CDH8: variants seen among roughly 807,000 people sequenced by gnomAD.
CDH8 encodes cadherin 8, also known as cadherin-8.
A neutral mutation model predicts 68.1 loss-of-function variants in CDH8; 17 were observed. The observed-to-expected ratio is 0.25, with a 90% CI of 0.17 to 0.37. The LOEUF (loss-of-function observed/expected upper bound fraction) is 0.37. Among genes scored for constraint, CDH8 ranks in the 10% least tolerant of loss-of-function variants. The probability of loss-of-function intolerance (pLI) is 1.00; values close to 1 mark genes in which losing one functional copy is unlikely to be tolerated. For missense variants in CDH8, 763 were observed against 999.3 expected, an observed-to-expected ratio of 0.76 and a Z score of 3.19; for synonymous variants, 372 against 365.1, an observed-to-expected ratio of 1.02 and a Z score of -0.21.
intron 4 of CDH8, among the ~76,000 whole-genome samples, chr16:61,836,741 GAT>G (rs145240898): frequency 6.6e-6 from 1 of 151,604 alleles, no homozygotes; most frequent in African/African-American, 2.4e-5. Context: ...GCTAGACTGA[GAT>G]ATATATATAT....
chr16:61,734,334 C>T (rs1959616597), intron 8 of CDH8, among the ~76,000 whole-genome samples: 1 of 152,106 alleles, frequency 6.6e-6, no homozygotes. Flanking sequence ...ACTTATCAAC[C>T]TTGCTGGGGG....
rs193015278 is a variant in CDH8, at chr16:61,817,357, A to T, written c.1277+122T>A. On this transcript the variant is annotated intron_variant, in intron 7 of 11. Transcript: ENST00000577390. ...ACACACACACAGTATGTGCCAACCA[A>T]CATTATTTGGTCATGTGAGCATAGT... 4.1e-4 allele frequency: 369 copies of T among 898,120 alleles called. 1 individual carries two copies. The highest frequency in any genetic ancestry group is 1.6e-3 in the South Asian group (105 of 66,808). 55.6% of individuals were successfully genotyped at this position (898,120 alleles called of 1,614,324 possible).
chr16:61,902,962 T>A (rs1462520111), intron 2 of CDH8, among the ~76,000 whole-genome samples: 2 of 152,192 alleles, frequency 1.3e-5, no homozygotes, highest in Non-Finnish European at 1.5e-5. Context: ...ATATTAATCC[T>A]AATTTAGGAT....
chr16:61,718,399 A>G (rs1045866831), intron 9 of CDH8, among the ~76,000 whole-genome samples: 19 of 151,468 alleles, frequency 1.3e-4, no homozygotes, highest in African/African-American at 4.6e-4. Context: ...AGATCCAGCA[A>G]TAATGAACAG....
chr16:61,908,645 G>A (rs1964104961), intron 2 of CDH8, among the ~76,000 whole-genome samples: 1 of 152,218 alleles, frequency 6.6e-6, no homozygotes, highest in Admixed American at 6.5e-5. Flanking sequence ...CTTTGGAGCT[G>A]AATAAAGCAT....
At chr16:62,034,605 C>T (rs1442747305) in intron 1 of CDH8, among the ~76,000 whole-genome samples, 1 of 152,070 alleles carries the variant, frequency 6.6e-6, no homozygotes, top group Non-Finnish European at 1.5e-5. Context: ...CCCTCGTTCC[C>T]ATTGTCAGCC....
At chr16:61,818,999 CTAAAA>C (rs1962148391) in intron 6 of CDH8, among the ~76,000 whole-genome samples, 1 of 130,282 alleles carries the variant, frequency 7.7e-6, no homozygotes, top group Admixed American at 8.6e-5. Flanking sequence ...ACTATCTATT[CTAAAA>C]TTACTAAGCA....
At chr16:61,857,574 A>G (rs1963070116) in intron 3 of CDH8, among the ~76,000 whole-genome samples, 1 of 152,204 alleles carries the variant, frequency 6.6e-6, no homozygotes, top group Admixed American at 6.5e-5. Context: ...ATATAAGGTT[A>G]ATAATATAAT....
rs543681331 is a variant in CDH8 at position 61,895,002 on chromosome 16, G to T, written c.547+6177C>A. 1.0e-3 allele frequency among the ~76,000 whole-genome samples: 152 copies of T among 152,212 alleles called. 1 individual carries two copies. The highest frequency in any genetic ancestry group is 9.5e-3 in the South Asian group (46 of 4,826). On this transcript the variant is annotated intron_variant, in intron 3 of 11. Transcript: ENST00000577390. ...TTGTTAGGCTTTAATATATTTAGCAGTAATTATCACATAGCTCTTCATTAA... is the reference window on the plus strand; with the variant it reads ...TTGTTAGGCTTTAATATATTTAGCATTAATTATCACATAGCTCTTCATTAA...
chr16:61,927,251 G>A (rs1432651605), intron 2 of CDH8, among the ~76,000 whole-genome samples: 1 of 152,120 alleles, frequency 6.6e-6, no homozygotes, highest in East Asian at 1.9e-4. Flanking sequence ...GAGTCAGTAT[G>A]GGGTTTACAT....
chr16:62,013,261 C>CAAAAAA (rs1165564723), intron 2 of CDH8, among the ~76,000 whole-genome samples: 2 of 6,400 alleles, frequency 3.1e-4, no homozygotes, highest in Non-Finnish European at 5.0e-4. Flanking sequence ...GACTCCGTCT[C>CAAAAAA]AAAAAAAAAA....
intron 8 of CDH8, among the ~76,000 whole-genome samples, chr16:61,777,332 G>C (rs754972351): frequency 6.6e-6 from 1 of 152,064 alleles, no homozygotes; most frequent in African/African-American, 2.4e-5. Flanking sequence ...GCAGCAACTC[G>C]CACCTGAAAA....
intron 3 of CDH8, among the ~76,000 whole-genome samples, chr16:61,899,831 GACACACACACACACAC>G (rs35171683): frequency 6.8e-6 from 1 of 147,230 alleles, no homozygotes; most frequent in Admixed American, 6.8e-5. Context: ...ATGTTATAAA[GACACACACACACACAC>G]ACACACACAC....
chr16:61,840,099 T>G (rs573882330), intron 4 of CDH8, among the ~76,000 whole-genome samples: 21 of 152,290 alleles, frequency 1.4e-4, no homozygotes, highest in African/African-American at 4.6e-4. Context: ...ACTCCCCTGA[T>G]AACTTTTATA....
At chr16:61,745,863 C>A (rs1342986445) in intron 8 of CDH8, among the ~76,000 whole-genome samples, 1 of 151,930 alleles carries the variant, frequency 6.6e-6, no homozygotes, top group African/African-American at 2.4e-5. Context: ...CAGGCCCACT[C>A]CTCTTTGGCA....
intron 8 of CDH8, among the ~76,000 whole-genome samples, chr16:61,732,087 AT>A (rs1211392291): frequency 2.0e-5 from 3 of 151,624 alleles, no homozygotes; most frequent in Non-Finnish European, 3.0e-5. Flanking sequence ...TTAAAAAAAA[AT>A]AAAGAAAAAT....
chr16:61,843,788 G>C (rs1383032884), intron 4 of CDH8, among the ~76,000 whole-genome samples: 1 of 152,096 alleles, frequency 6.6e-6, no homozygotes, highest in Non-Finnish European at 1.5e-5. Flanking sequence ...TCTAGTTCTA[G>C]ATCCCTGAGG....
chr16:61,788,880 T>C (rs1961308858), intron 8 of CDH8, among the ~76,000 whole-genome samples: 1 of 151,994 alleles, frequency 6.6e-6, no homozygotes, highest in Non-Finnish European at 1.5e-5. Context: ...ATCTATAATC[T>C]CTCCTACCCA....
chr16:61,708,471 C>T lies in CDH8; in HGVS notation c.1654+5370G>A, dbSNP rs376256698. On this transcript the variant is annotated intron_variant, in intron 10 of 11. Transcript: ENST00000577390. ...AGAAAATTGTTCACTTCTGCAGGTA[C>T]TCTTAAATTACAATTTTAGAAAGAA... Among the ~76,000 whole-genome samples, 13 of 152,224 alleles carry T rather than the reference C, an allele frequency of 8.5e-5. 1 individual carries two copies. Among genetic ancestry groups the T allele is most frequent in the African/African-American group, 2.4e-4 (10 of 41,562 alleles).
Sources: gnomAD v4.1 joint callset for allele counts (sites outside exome capture counted in the v4.1 genomes callset) on GRCh38, gnomAD v4.1.1 for gene constraint, MANE v1.5 for transcripts, NCBI Gene and HGNC (gene_info 2026-07-23, HGNC 2026-07-21) for gene names.